GALNTL6: variants seen among roughly 807,000 people sequenced by gnomAD.
GALNTL6 encodes polypeptide N-acetylgalactosaminyltransferase like 6.
A neutral mutation model predicts 73.7 loss-of-function variants in GALNTL6; 46 were observed. The observed-to-expected ratio is 0.62, with a 90% CI of 0.49 to 0.80. The LOEUF is 0.80. GALNTL6 is among the 30% of genes least tolerant of loss of function. GALNTL6 has a pLI of 0.00. For synonymous variants in GALNTL6, 259 were observed against 263.7 expected (o/e 0.98, Z 0.17); for missense variants, 604 against 755.0 (o/e 0.80, Z 2.34).
At chr4:172,657,111 C>G (rs1180809275) in intron 5 of GALNTL6, among the ~76,000 whole-genome samples, 3 of 152,120 alleles carry the variant, frequency 2.0e-5, no homozygotes, top group Non-Finnish European at 4.4e-5. Context: ...AACCATTAGT[C>G]AAAAATACAT....
rs548121994 is a variant in GALNTL6 at position 171,951,939 on chromosome 4, T to C, written c.138+137221T>C. Among the ~76,000 whole-genome samples the C allele has an allele frequency of 2.6e-5, 4 of 152,056 alleles. No individual in the cohort carries two copies. The East Asian group carries it at 7.7e-4, about 29-fold the overall frequency. ...TTGAGCAATGTATCCCAGAGTTACA[T>C]GCCCAATAAACTAGTAAAATATTTT... On this transcript the variant is annotated intron_variant, in intron 2 of 12. Coordinates refer to ENST00000506823, the MANE Select transcript of GALNTL6 (RefSeq NM_001034845.3).
intron 5 of GALNTL6, among the ~76,000 whole-genome samples, chr4:172,595,346 C>G (rs1484165690): frequency 6.6e-6 from 1 of 152,162 alleles, no homozygotes; most frequent in African/African-American, 2.4e-5. Flanking sequence ...AGACCTGAGT[C>G]ATTACGAACT....
intron 5 of GALNTL6, among the ~76,000 whole-genome samples, chr4:172,544,863 A>G (rs1298861547): frequency 6.6e-6 from 1 of 152,218 alleles, no homozygotes; most frequent in Non-Finnish European, 1.5e-5. Flanking sequence ...CTAACTAGCC[A>G]TCTGTTTCAT....
intron 5 of GALNTL6, among the ~76,000 whole-genome samples, chr4:172,387,960 C>T (rs146040880): frequency 1.3e-5 from 2 of 152,210 alleles, no homozygotes; most frequent in Non-Finnish European, 2.9e-5. Context: ...CATTTCCACT[C>T]CACAATCTAA....
intron 2 of GALNTL6, among the ~76,000 whole-genome samples, chr4:171,975,610 G>A (rs1321646965): frequency 6.6e-6 from 1 of 152,034 alleles, no homozygotes; most frequent in Non-Finnish European, 1.5e-5. Flanking sequence ...GCAAAAGAAA[G>A]TCATACTGGG....
intron 9 of GALNTL6, among the ~76,000 whole-genome samples, chr4:172,943,503 G>A (rs893662864): frequency 6.6e-6 from 1 of 152,172 alleles, no homozygotes; most frequent in Non-Finnish European, 1.5e-5. Context: ...GAGATAGGGT[G>A]TTATTTATCA....
At chr4:172,069,821 G>C (rs4277744) in intron 2 of GALNTL6, among the ~76,000 whole-genome samples, 75,777 of 103,132 alleles carry the variant, frequency 0.73, 34,407 homozygotes, top group South Asian at 0.88. Context: ...CTGGGTGCCA[G>C]AATCTGATAT....
chr4:172,432,235 C>T (rs1169117055), intron 5 of GALNTL6, among the ~76,000 whole-genome samples: 1 of 151,042 alleles, frequency 6.6e-6, no homozygotes, highest in Non-Finnish European at 1.5e-5. Context: ...GTACTTTATA[C>T]TTGAGGAAAC....
chr4:172,224,547 A>G (rs961623129), intron 2 of GALNTL6, among the ~76,000 whole-genome samples: 2 of 152,230 alleles, frequency 1.3e-5, no homozygotes, highest in African/African-American at 4.8e-5. Flanking sequence ...TGTAGTTATG[A>G]TAAATAAGTT....
At position 172,359,356 on chromosome 4, in the gene GALNTL6, G is replaced by A. The variant is rs1474665594; in HGVS notation, c.553+10667G>A. On this transcript the variant is annotated intron_variant, in intron 5 of 12. Coordinates refer to ENST00000506823, the MANE Select transcript of GALNTL6 (RefSeq NM_001034845.3). ...GAGAATACATCGGGGCCTACTTGAG[G>A]GTGAAGGGTGGGAGGAGGGACAGGA... Among the ~76,000 whole-genome samples the A allele has an allele frequency of 2.0e-5, 3 of 152,176 alleles. No individual in the cohort carries two copies. In the East Asian group the frequency reaches 5.8e-4, roughly 29 times the overall value.
intron 9 of GALNTL6, among the ~76,000 whole-genome samples, chr4:172,949,915 A>T (rs1443969532): frequency 1.3e-5 from 2 of 151,970 alleles, no homozygotes; most frequent in Admixed American, 6.6e-5. Context: ...TCTCAAAAAA[A>T]AAAAAGAAAA....
chr4:172,099,962 A>G (rs1405332753), intron 2 of GALNTL6, among the ~76,000 whole-genome samples: 1 of 152,092 alleles, frequency 6.6e-6, no homozygotes, highest in Non-Finnish European at 1.5e-5. Flanking sequence ...CCACTGAAAG[A>G]GGCAATTCAT....
At chr4:172,532,381 G>A (rs1299929638) in intron 5 of GALNTL6, among the ~76,000 whole-genome samples, 4 of 152,122 alleles carry the variant, frequency 2.6e-5, no homozygotes, top group Non-Finnish European at 2.9e-5. Flanking sequence ...AAAGAAAAAG[G>A]CATGGAATAG....
chr4:172,262,214 C>G (rs990068584), intron 3 of GALNTL6, among the ~76,000 whole-genome samples: 1 of 151,200 alleles, frequency 6.6e-6, no homozygotes, highest in African/African-American at 2.4e-5. Context: ...GATTACCTGT[C>G]TGTGCTATCA....
intron 5 of GALNTL6, among the ~76,000 whole-genome samples, chr4:172,751,716 C>G (rs777656651): frequency 1.3e-5 from 2 of 152,208 alleles, no homozygotes; most frequent in Non-Finnish European, 2.9e-5. Context: ...GACACAAAAG[C>G]CAGTGTTCTG....
chr4:172,268,414 T>G lies in GALNTL6; in HGVS notation c.247+38650T>G, dbSNP rs1010352182. On this transcript the variant is annotated intron_variant, in intron 3 of 12. Coordinates refer to ENST00000506823, the MANE Select transcript of GALNTL6 (RefSeq NM_001034845.3). Reference sequence around the variant, plus strand: ...TCACACAGGCCAACTGTAGCTGAGATAATCCTTCAGTGTCGTCACTTGCTA... The same window carrying G: ...TCACACAGGCCAACTGTAGCTGAGAGAATCCTTCAGTGTCGTCACTTGCTA... Among the ~76,000 whole-genome samples, 21 of 152,224 alleles carry G rather than the reference T, an allele frequency of 1.4e-4. 1 individual carries two copies. Among genetic ancestry groups the G allele is most frequent in the Non-Finnish European group, 1.5e-5 (1 of 68,032 alleles).
intron 5 of GALNTL6, among the ~76,000 whole-genome samples, chr4:172,663,333 A>T (rs140351705): frequency 6.6e-6 from 1 of 152,238 alleles, no homozygotes; most frequent in Admixed American, 6.5e-5. Context: ...GGGCAGAGAA[A>T]TGCAATCGGA....
intron 6 of GALNTL6, among the ~76,000 whole-genome samples, chr4:172,812,218 C>T (rs551615648): frequency 1.3e-5 from 2 of 152,272 alleles, no homozygotes; most frequent in South Asian, 2.1e-4. Flanking sequence ...TACTTTTTAT[C>T]CCATGCTTAA....
At chr4:172,442,075 TA>T (rs1731857005) in intron 5 of GALNTL6, among the ~76,000 whole-genome samples, 1 of 152,152 alleles carries the variant, frequency 6.6e-6, no homozygotes, top group Non-Finnish European at 1.5e-5. Flanking sequence ...AATGCATTTT[TA>T]AACACATATG....
Sources: allele counts gnomAD v4.1 joint callset (sites outside exome capture counted in the v4.1 genomes callset), GRCh38; gene constraint gnomAD v4.1.1; transcripts MANE v1.5; gene names NCBI Gene and HGNC (gene_info 2026-07-23, HGNC 2026-07-21).